The following BCAS3 variants were observed in gnomAD, a reference collection of about 807,000 sequenced individuals.
BCAS3 encodes the protein BCAS3 microtubule associated cell migration factor.
Under a neutral mutation model 116.1 loss-of-function variants are expected in BCAS3, and 53 were observed. The observed-to-expected ratio is 0.46, with a 90% confidence interval of 0.37 to 0.57. The LOEUF is 0.57. Among genes scored for constraint, BCAS3 ranks in the 20% least tolerant of loss-of-function variants. The pLI is 0.00. For synonymous variants in BCAS3, 391 were observed against 408.2 expected, an observed-to-expected ratio of 0.96 and a Z score of 0.51; for missense variants, 917 against 1,165.4, an observed-to-expected ratio of 0.79 and a Z score of 3.10.
Position 61,309,015 on chromosome 17 carries a change from G to C in BCAS3, c.2426-59312G>C, listed in dbSNP as rs2054081997. Among the ~76,000 whole-genome samples the C allele has an allele frequency of 6.6e-6, 1 of 152,118 alleles. No homozygotes were observed. The highest frequency in any genetic ancestry group is 1.5e-5 in the Non-Finnish European group (1 of 68,036). ...CAGCCATGTGGCCTCCCCCAGCAGA[G>C]GCTTTGAGGACCTATCTGTCCCCTC... On this transcript the variant is annotated intron_variant, in intron 22 of 23. Coordinates refer to ENST00000407086, the MANE Select transcript of BCAS3 (RefSeq NM_017679.5). This position sits in a 1 kb window ranked among gnomAD's most constrained non-coding sequence, Gnocchi z 4.6.
chr17:61,024,879 C>A (rs1290446954), intron 16 of BCAS3, among the ~76,000 whole-genome samples: 2 of 151,926 alleles, frequency 1.3e-5, no homozygotes. Flanking sequence ...CTTCTAAATT[C>A]TTTATAATAA....
At position 60,932,297 on chromosome 17, in the gene BCAS3, G is replaced by A. The variant is rs563428508; in HGVS notation, c.1087+7797G>A. 4.6e-5 allele frequency among the ~76,000 whole-genome samples: 7 copies of A among 152,246 alleles called. No homozygotes were observed. The South Asian group carries it at 1.5e-3, about 32-fold the overall frequency. On this transcript the variant is annotated intron_variant, in intron 13 of 23. Coordinates refer to ENST00000407086, the MANE Select transcript of BCAS3 (RefSeq NM_017679.5). ...TTCACATACTTGATACTGAGTAAGT[G>A]TACATTGAATAATTACAATAATTAA...
intron 5 of BCAS3, among the ~76,000 whole-genome samples, chr17:60,721,145 G>A (rs1049144982): frequency 6.6e-6 from 1 of 152,054 alleles, no homozygotes; most frequent in Non-Finnish European, 1.5e-5. Flanking sequence ...TGTTAGCCAG[G>A]AAACAGTTTT....
intron 22 of BCAS3, among the ~76,000 whole-genome samples, chr17:61,330,685 A>G (rs955995264): frequency 9.9e-5 from 15 of 152,226 alleles, no homozygotes; most frequent in Admixed American, 8.5e-4. Flanking sequence ...CCTCAGAAAC[A>G]CACACCAGTG....
At chr17:61,119,429 A>G (rs987555815) in intron 22 of BCAS3, among the ~76,000 whole-genome samples, 7 of 152,298 alleles carry the variant, frequency 4.6e-5, no homozygotes, top group African/African-American at 1.7e-4. Context: ...CCACGAAGAA[A>G]ACATGATAGT....
At chr17:61,158,156 T>C (rs1036297369) in intron 22 of BCAS3, among the ~76,000 whole-genome samples, 2 of 152,198 alleles carry the variant, frequency 1.3e-5, no homozygotes, top group African/African-American at 4.8e-5. Flanking sequence ...ATCATGGATA[T>C]TTTGTTTATA....
chr17:60,720,297 T>G (rs2039096040), intron 5 of BCAS3: 2 of 152,086 alleles, frequency 1.3e-5, no homozygotes, highest in African/African-American at 4.8e-5. Context: ...CCAACTGATT[T>G]TTGTATATAT....
chr17:60,807,949 G>T, intron 6 of BCAS3, 55 bp from the exon 7 acceptor site: 1 of 1,233,954 alleles, frequency 8.1e-7, no homozygotes. Flanking sequence ...AAAATAGTGG[G>T]AATTATACAA....
rs377319777 is a variant in BCAS3, at chr17:60,752,685, A to G, written c.403+5406A>G. 1.6e-3 allele frequency among the ~76,000 whole-genome samples: 244 copies of G among 151,994 alleles called. 1 individual carries two copies. The highest frequency in any genetic ancestry group is 5.6e-3 in the African/African-American group (232 of 41,494). ...TGATCCGCCTGCCTCGGCCTTGTGT[A>G]TTTCAATTTTGATGCATGCTGTAAA... On this transcript the variant is annotated intron_variant, in intron 6 of 23. Coordinates refer to ENST00000407086, the MANE Select transcript of BCAS3 (RefSeq NM_017679.5).
At chr17:61,292,416 C>T (rs920099902) in intron 22 of BCAS3, among the ~76,000 whole-genome samples, 12 of 152,078 alleles carry the variant, frequency 7.9e-5, no homozygotes, top group African/African-American at 2.9e-4. Flanking sequence ...TTTGGGAGGC[C>T]GAGGTGGGCA....
intron 14 of BCAS3, among the ~76,000 whole-genome samples, chr17:60,953,262 C>T (rs1025369694): frequency 1.3e-5 from 2 of 152,176 alleles, no homozygotes; most frequent in South Asian, 2.1e-4. Context: ...TCTCCACAAC[C>T]TAAGGAGCAT....
intron 7 of BCAS3, among the ~76,000 whole-genome samples, chr17:60,855,449 T>A (rs1421557121): frequency 6.7e-6 from 1 of 149,086 alleles, no homozygotes; most frequent in Non-Finnish European, 1.5e-5. Flanking sequence ...TCACTATTTT[T>A]AAATTTTTTT....
At chr17:61,240,651 A>C (rs1371528298) in intron 22 of BCAS3, among the ~76,000 whole-genome samples, 1 of 152,196 alleles carries the variant, frequency 6.6e-6, no homozygotes, top group East Asian at 1.9e-4. Context: ...CTCCATCTCA[A>C]TAAATAAATA....
chr17:60,747,306 CTT>C, intron 6 of BCAS3, 27 bp downstream of exon 6: 1 of 1,554,218 alleles, frequency 6.4e-7, no homozygotes, highest in Non-Finnish European at 8.8e-7. Flanking sequence ...AGAAAAGAAT[CTT>C]TCAGAAAAGA....
chr17:60,929,810 A>G (rs568267894), intron 13 of BCAS3, among the ~76,000 whole-genome samples: 3 of 146,406 alleles, frequency 2.0e-5, no homozygotes, highest in African/African-American at 7.6e-5. Flanking sequence ...GTGAGTGAGA[A>G]CATGCGGTGT....
intron 12 of BCAS3, among the ~76,000 whole-genome samples, chr17:60,914,330 G>A (rs556699927): frequency 2.0e-4 from 31 of 152,252 alleles, no homozygotes; most frequent in Non-Finnish European, 4.3e-4. Flanking sequence ...TTATATTTGT[G>A]AAGTCCATAA....
intron 22 of BCAS3, among the ~76,000 whole-genome samples, chr17:61,246,792 AGTGTGTGTGTGTGTGTGTGT>A (rs61382195): frequency 6.9e-6 from 1 of 144,236 alleles, no homozygotes; most frequent in African/African-American, 2.5e-5. Flanking sequence ...TTTGAGTGAG[AGTGTGTGTGTGTGTGTGTGT>A]GTGTGTGTGT....
intron 7 of BCAS3, among the ~76,000 whole-genome samples, chr17:60,853,095 A>G (rs1164858627): frequency 6.6e-6 from 1 of 152,206 alleles, no homozygotes; most frequent in Non-Finnish European, 1.5e-5. Flanking sequence ...CTGTGAGTGG[A>G]ATGTCATTCA....
chr17:60,891,470 A>T (rs1376019071), intron 10 of BCAS3, among the ~76,000 whole-genome samples: 1 of 152,236 alleles, frequency 6.6e-6, no homozygotes, highest in Non-Finnish European at 1.5e-5. Context: ...TCGTGCTTTC[A>T]TCTCAAAATA....
Sources: allele counts gnomAD v4.1 joint callset (sites outside exome capture counted in the v4.1 genomes callset), GRCh38; gene constraint gnomAD v4.1.1; non-coding constraint Gnocchi (gnomAD v3.1); transcripts MANE v1.5; gene names NCBI Gene and HGNC (gene_info 2026-07-23, HGNC 2026-07-21).